The following SCFD1 variants were observed in gnomAD, a reference collection of about 807,000 sequenced individuals.
The protein encoded by SCFD1 is sec1 family domain containing 1, also known as sec1 family domain-containing protein 1.
A neutral mutation model predicts 103.2 loss-of-function variants in SCFD1; 37 were observed. The observed-to-expected ratio is 0.36, with a 90% CI of 0.28 to 0.47. The LOEUF (loss-of-function observed/expected upper bound fraction) is 0.47. Among genes scored for constraint, SCFD1 ranks in the 20% least tolerant of loss-of-function variants. The probability of loss-of-function intolerance (pLI) is 1.00; values close to 1 mark genes in which losing one functional copy is unlikely to be tolerated. For synonymous variants in SCFD1, 264 were observed against 245.0 expected (o/e 1.08, Z -0.73); for missense variants, 639 against 761.2 (o/e 0.84, Z 1.89).
At chr14:30,684,900 G>A (rs1248927439) in intron 14 of SCFD1, among the ~76,000 whole-genome samples, 1 of 98,736 alleles carries the variant, frequency 1.0e-5, no homozygotes, top group Non-Finnish European at 1.9e-5. Flanking sequence ...ATGCTGGTGC[G>A]CTGCACCCAC....
chr14:30,652,566 C>G (rs1260668614), intron 9 of SCFD1, among the ~76,000 whole-genome samples: 1 of 152,132 alleles, frequency 6.6e-6, no homozygotes, highest in Admixed American at 6.6e-5. Context: ...TTATAAGCTC[C>G]TACTCTTTGT....
At chr14:30,692,850 C>T (rs552587414) in intron 14 of SCFD1, among the ~76,000 whole-genome samples, 1 of 152,216 alleles carries the variant, frequency 6.6e-6, no homozygotes, top group African/African-American at 2.4e-5. Flanking sequence ...TGTCATTCCC[C>T]AAAGTTTTCT....
chr14:30,679,996 CTTTGTTTTGT>C (rs1889345817), intron 14 of SCFD1, among the ~76,000 whole-genome samples: 1 of 152,046 alleles, frequency 6.6e-6, no homozygotes, highest in Non-Finnish European at 1.5e-5. Flanking sequence ...TTTTGTTTTG[CTTTGTTTTGT>C]TTTTTATTGC....
intron 7 of SCFD1, 152 bp from the exon 8 acceptor site, chr14:30,649,376 T>G (rs1436770331): frequency 4.9e-6 from 3 of 614,214 alleles, no homozygotes; most frequent in Non-Finnish European, 8.2e-6. Context: ...TTTTAAAAAT[T>G]AAAAAAATGT....
intron 16 of SCFD1, among the ~76,000 whole-genome samples, chr14:30,700,708 G>T (rs757848843): frequency 1.3e-5 from 2 of 151,956 alleles, no homozygotes; most frequent in African/African-American, 4.8e-5. Context: ...AAAACAATTT[G>T]TTAAGGCTGC....
intron 19 of SCFD1, among the ~76,000 whole-genome samples, chr14:30,713,500 A>G (rs1217984374): frequency 1.3e-5 from 2 of 152,238 alleles, no homozygotes; most frequent in Non-Finnish European, 2.9e-5. Flanking sequence ...CCTATTTGGC[A>G]GACTTGTCTT....
At chr14:30,678,898 T>C (rs187829247) in intron 14 of SCFD1, among the ~76,000 whole-genome samples, 2 of 152,234 alleles carry the variant, frequency 1.3e-5, no homozygotes, top group African/African-American at 2.4e-5. Flanking sequence ...TTATAGGGAC[T>C]GAATTAGATC....
intron 15 of SCFD1, 88 bp downstream of exon 15, chr14:30,694,957 G>A: frequency 6.6e-7 from 1 of 1,514,226 alleles, no homozygotes; most frequent in South Asian, 1.3e-5. Context: ...TAGAATTGTT[G>A]TTTTTCTGAC....
intron 23 of SCFD1, among the ~76,000 whole-genome samples, chr14:30,731,475 T>C (rs1479322728): frequency 4.6e-5 from 7 of 152,258 alleles, no homozygotes; most frequent in Non-Finnish European, 8.8e-5. Context: ...TGATTCTTCC[T>C]ATCCATGGGC....
rs1336560517 is a variant in SCFD1 at position 30,693,875 on chromosome 14, C to T, written c.1243-898C>T. ...TCAATAGTATCTGAATTATCTGAAG[C>T]ATAACTTAAGAGTTATTTGATAATT... On this transcript the variant is annotated intron_variant, in intron 14 of 24. Transcript: ENST00000458591. Among the ~76,000 whole-genome samples, 7 of 152,198 alleles carry T rather than the reference C, an allele frequency of 4.6e-5. No homozygotes were observed. In the East Asian group the frequency reaches 1.2e-3, roughly 25 times the overall value.
At chr14:30,640,384 A>G (rs916091969) in intron 6 of SCFD1, among the ~76,000 whole-genome samples, 8 of 152,208 alleles carry the variant, frequency 5.3e-5, no homozygotes, top group Non-Finnish European at 1.2e-4. Flanking sequence ...GACAACGGTT[A>G]TTATTCACAG....
intron 7 of SCFD1, among the ~76,000 whole-genome samples, chr14:30,648,828 G>T (rs1169047111): frequency 1.3e-5 from 2 of 151,986 alleles, no homozygotes; most frequent in African/African-American, 4.8e-5. Flanking sequence ...TGCCAAATTA[G>T]CCAGGCTTGG....
In SCFD1 at chr14:30,643,300, T is replaced by C. The variant is rs1265459270; in HGVS notation, c.524-16T>C. 3.9e-6 allele frequency: 6 copies of C among 1,554,812 alleles called. No individual in the cohort carries two copies. Among genetic ancestry groups the C allele is most frequent in the Middle Eastern group, 1.7e-4 (1 of 5,970 alleles). ...AGTTTGGGTCAACTTTTTCTCCTTT[T>C]CCTATGTCATTTTAGCCATTAACAG... On this transcript the variant is annotated splice_polypyrimidine_tract_variant and intron_variant, in intron 6 of 24. Transcript: ENST00000458591.
intron 23 of SCFD1, among the ~76,000 whole-genome samples, chr14:30,727,974 T>C (rs1460390034): frequency 2.0e-5 from 3 of 152,250 alleles, no homozygotes; most frequent in Admixed American, 6.5e-5. Flanking sequence ...CAGACAGTTA[T>C]ATTTAGAGGT....
intron 15 of SCFD1, 139 bp downstream of exon 15, chr14:30,695,008 TG>T: frequency 7.0e-7 from 1 of 1,435,178 alleles, no homozygotes; most frequent in Non-Finnish European, 9.1e-7. Context: ...AGCTATTTTC[TG>T]GTAAAATTTT....
chr14:30,632,651 G>T (rs1884297946), intron 3 of SCFD1, among the ~76,000 whole-genome samples: 3 of 152,118 alleles, frequency 2.0e-5, no homozygotes, highest in Non-Finnish European at 2.9e-5. Context: ...GAGTGCCATT[G>T]TCTCTGTACT....
chr14:30,706,580 C>CT (rs1051235651), intron 18 of SCFD1, among the ~76,000 whole-genome samples: 86 of 152,198 alleles, frequency 5.7e-4, no homozygotes, highest in African/African-American at 2.0e-3. Context: ...GAAGCTAGGC[C>CT]TGGCTTCAGG....
At chr14:30,701,894 C>T (rs970851224) in intron 16 of SCFD1, among the ~76,000 whole-genome samples, 18 of 152,040 alleles carry the variant, frequency 1.2e-4, no homozygotes, top group African/African-American at 3.6e-4. Context: ...GATGAGAAAC[C>T]GAAATCTGCA....
In SCFD1 at chr14:30,653,472, T is replaced by A. The variant is rs370441857; in HGVS notation, c.756-17T>A. 2.9e-5 allele frequency: 44 copies of A among 1,534,268 alleles called. No homozygotes were observed. In the African/African-American group the frequency reaches 5.5e-4, roughly 19 times the overall value. On this transcript the variant is annotated splice_polypyrimidine_tract_variant and intron_variant, in intron 9 of 24. Transcript: ENST00000458591. ...GGTATCAAGAGTTATGTAATTTTTT[T>A]ATATGTATATTTACAGCTTCCAGAG...
Sources: allele counts gnomAD v4.1 joint callset (sites outside exome capture counted in the v4.1 genomes callset), GRCh38; gene constraint gnomAD v4.1.1; transcripts MANE v1.5; gene names NCBI Gene and HGNC (gene_info 2026-07-23, HGNC 2026-07-21).